The following ITGBL1 variants were observed in gnomAD, a reference collection of about 807,000 sequenced individuals.
ITGBL1 encodes the protein integrin subunit beta like 1, also known as integrin beta-like protein 1.
Under a neutral mutation model 68.5 loss-of-function variants are expected in ITGBL1, and 51 were observed. The observed-to-expected ratio is 0.74, with a 90% CI of 0.59 to 0.94. ITGBL1 has a LOEUF of 0.94. Ranked by LOEUF, ITGBL1 falls within the 40% of genes least tolerant of loss-of-function variation. The probability of loss-of-function intolerance (pLI) is 0.00; values close to 1 mark genes in which losing one functional copy is unlikely to be tolerated. For missense variants in ITGBL1, 649 were observed against 647.4 expected, an observed-to-expected ratio of 1.00 and a Z score of -0.03; for synonymous variants, 209 against 227.3, an observed-to-expected ratio of 0.92 and a Z score of 0.72.
At chr13:101,649,473 A>C (rs1049858242) in intron 7 of ITGBL1, among the ~76,000 whole-genome samples, 23 of 152,222 alleles carry the variant, frequency 1.5e-4, no homozygotes, top group Non-Finnish European at 2.6e-4. Flanking sequence ...TAAAGAAATT[A>C]AAGTGTGAAT....
chr13:101,676,360 A>G (rs2033503974), intron 7 of ITGBL1, among the ~76,000 whole-genome samples: 1 of 152,156 alleles, frequency 6.6e-6, no homozygotes, highest in South Asian at 2.1e-4. Flanking sequence ...ATATAGATAT[A>G]TATCCAATTA....
chr13:101,628,933 A>G (rs1272034328), intron 7 of ITGBL1, among the ~76,000 whole-genome samples: 1 of 152,130 alleles, frequency 6.6e-6, no homozygotes, highest in African/African-American at 2.4e-5. Context: ...CATAATAGTA[A>G]TCAACTTCTC....
chr13:101,637,217 C>T (rs999299861), intron 7 of ITGBL1, among the ~76,000 whole-genome samples: 2 of 151,886 alleles, frequency 1.3e-5, no homozygotes, highest in Admixed American at 6.6e-5. Flanking sequence ...AAGCATACCT[C>T]AATTCAATGT....
chr13:101,460,317 A>ATTGCCTCTTTCCTGTATTTTC (rs1286468982), intron 2 of ITGBL1, among the ~76,000 whole-genome samples: 8 of 152,124 alleles, frequency 5.3e-5, no homozygotes, highest in Non-Finnish European at 1.2e-4. Context: ...TGGCTTTCAC[A>ATTGCCTCTTTCCTGTATTTTC]TTGCCTCTTT....
chr13:101,491,052 T>G (rs192608700), intron 2 of ITGBL1, among the ~76,000 whole-genome samples: 1 of 152,344 alleles, frequency 6.6e-6, no homozygotes, highest in Non-Finnish European at 1.5e-5. Flanking sequence ...AAATAGTTTT[T>G]TAAGGTTCTG....
intron 7 of ITGBL1, among the ~76,000 whole-genome samples, chr13:101,675,992 C>T (rs2033492333): frequency 6.6e-6 from 1 of 151,966 alleles, no homozygotes; most frequent in Admixed American, 6.6e-5. Context: ...TCAGAATTTC[C>T]ACTTTATTTG....
At chr13:101,534,514 T>C (rs1346161275) in intron 2 of ITGBL1, among the ~76,000 whole-genome samples, 2 of 152,036 alleles carry the variant, frequency 1.3e-5, no homozygotes, top group African/African-American at 4.8e-5. Context: ...CAACAGGCAG[T>C]TTCCTGTTTC....
At chr13:101,571,700 A>C (rs2139261795) in intron 3 of ITGBL1, among the ~76,000 whole-genome samples, 1 of 152,168 alleles carries the variant, frequency 6.6e-6, no homozygotes, top group East Asian at 1.9e-4. Flanking sequence ...AAATAGACAT[A>C]TTTGTGTGTT....
At chr13:101,561,203 G>A (rs2050094575) in intron 2 of ITGBL1, among the ~76,000 whole-genome samples, 1 of 152,074 alleles carries the variant, frequency 6.6e-6, no homozygotes, top group Non-Finnish European at 1.5e-5. Context: ...GAATTTGAGA[G>A]AGCCCAAACC....
At chr13:101,604,117 A>G (rs770107733) in intron 7 of ITGBL1, among the ~76,000 whole-genome samples, 7 of 150,880 alleles carry the variant, frequency 4.6e-5, no homozygotes, top group African/African-American at 1.7e-4. Flanking sequence ...GAAAGATAAG[A>G]AAAGCATACA....
intron 6 of ITGBL1, among the ~76,000 whole-genome samples, chr13:101,597,051 AATGTCAACT>A (rs1476097859): frequency 6.6e-6 from 1 of 152,172 alleles, no homozygotes; most frequent in Non-Finnish European, 1.5e-5. Flanking sequence ...AGTGGACCCT[AATGTCAACT>A]ATTCACTTTG....
At chr13:101,466,737 T>C (rs539070559) in intron 2 of ITGBL1, among the ~76,000 whole-genome samples, 56 of 152,182 alleles carry the variant, frequency 3.7e-4, no homozygotes, top group Non-Finnish European at 6.6e-4. Context: ...AAAAAATAGG[T>C]ATTTAGCACA....
At chr13:101,645,561 A>T (rs1014855555) in intron 7 of ITGBL1, among the ~76,000 whole-genome samples, 1 of 152,142 alleles carries the variant, frequency 6.6e-6, no homozygotes, top group Non-Finnish European at 1.5e-5. Flanking sequence ...TAGCATTCTC[A>T]TTGCTTTTTC....
intron 2 of ITGBL1, among the ~76,000 whole-genome samples, chr13:101,532,588 T>C (rs541588758): frequency 6.6e-6 from 1 of 152,144 alleles, no homozygotes; most frequent in Non-Finnish European, 1.5e-5. Flanking sequence ...TGCTTAAGAT[T>C]AGAAAGAAAA....
At chr13:101,534,796 A>G (rs1010125972) in intron 2 of ITGBL1, among the ~76,000 whole-genome samples, 10 of 152,188 alleles carry the variant, frequency 6.6e-5, no homozygotes, top group African/African-American at 2.4e-4. Context: ...AGAAATCTGG[A>G]GACCATGATT....
intron 7 of ITGBL1, among the ~76,000 whole-genome samples, chr13:101,673,454 G>A (rs1465270556): frequency 6.6e-6 from 1 of 152,100 alleles, no homozygotes. Context: ...GTTAAATAAG[G>A]AGATATTTGT....
Position 101,452,724 on chromosome 13 carries a change from G to A in ITGBL1, c.-110G>A, listed in dbSNP as rs1173600446. The A allele has an allele frequency of 1.2e-6, 1 of 819,250 alleles. No homozygotes were observed. The highest frequency in any genetic ancestry group is 2.4e-5 in the East Asian group (1 of 40,964). The allele number at this position is 819,250 out of a possible 1,614,324, so 50.7% of individuals were successfully genotyped here. On this transcript the variant is annotated 5_prime_UTR_variant, in exon 1 of 11. Transcript: ENST00000376180. ...GGACCTGCAAGCCTGGGTGTCCGTG[G>A]GTCCGTCTGCCCAGCCATCTGCTGG...
chr13:101,487,442 G>A (rs529223382), intron 2 of ITGBL1, among the ~76,000 whole-genome samples: 29 of 152,238 alleles, frequency 1.9e-4, no homozygotes, highest in African/African-American at 7.0e-4. Flanking sequence ...AAATATGATT[G>A]TAATTTTTGA....
At chr13:101,543,904 C>G (rs531983783) in intron 2 of ITGBL1, among the ~76,000 whole-genome samples, 1 of 152,336 alleles carries the variant, frequency 6.6e-6, no homozygotes. Context: ...TCAGCTCCAT[C>G]GGGTCCTTTA....
Sources: gnomAD v4.1 joint callset for allele counts (sites outside exome capture counted in the v4.1 genomes callset) on GRCh38, gnomAD v4.1.1 for gene constraint, MANE v1.5 for transcripts, NCBI Gene and HGNC (gene_info 2026-07-23, HGNC 2026-07-21) for gene names.